The following TNR variants were observed in gnomAD, a reference collection of about 807,000 sequenced individuals.
TNR encodes tenascin R, also known as tenascin-R.
In TNR, 45 loss-of-function variants were observed where a neutral mutation model predicts 150.4. That is an observed-to-expected ratio of 0.30 (90% CI 0.24 to 0.38). The LOEUF is 0.38. TNR is among the 10% of genes least tolerant of loss of function. The pLI is 1.00. For missense variants in TNR, 1,544 were observed against 1,759.1 expected, an observed-to-expected ratio of 0.88 and a Z score of 2.19; for synonymous variants, 687 against 678.4, an observed-to-expected ratio of 1.01 and a Z score of -0.20.
At chr1:175,546,053 C>A (rs965356177) in intron 1 of TNR, among the ~76,000 whole-genome samples, 2 of 152,186 alleles carry the variant, frequency 1.3e-5, no homozygotes, top group Non-Finnish European at 2.9e-5. Context: ...TGTTCACAGC[C>A]TCCCCTCAGC....
At chr1:175,439,277 G>C (rs916606558) in intron 2 of TNR, among the ~76,000 whole-genome samples, 3 of 152,090 alleles carry the variant, frequency 2.0e-5, no homozygotes, top group Non-Finnish European at 2.9e-5. Context: ...AATGGGGAAA[G>C]GATTCCCTAT....
At chr1:175,500,377 G>T (rs1296798611) in intron 2 of TNR, among the ~76,000 whole-genome samples, 1 of 152,118 alleles carries the variant, frequency 6.6e-6, no homozygotes, top group Admixed American at 6.5e-5. Flanking sequence ...AGTGGATTTG[G>T]GGCCTGGGAG....
At chr1:175,577,594 C>T (rs911213406) in intron 1 of TNR, among the ~76,000 whole-genome samples, 1 of 152,006 alleles carries the variant, frequency 6.6e-6, no homozygotes, top group Admixed American at 6.6e-5. Flanking sequence ...GCTGGGGGTG[C>T]GGGTTTGGGA....
At chr1:175,667,560 G>T (rs4652101) in intron 1 of TNR, among the ~76,000 whole-genome samples, 22,330 of 152,154 alleles carry the variant, frequency 0.15, 2,216 homozygotes, top group African/African-American at 0.28. Context: ...GTCTGATTGG[G>T]GAGGCATACA....
At chr1:175,575,550 T>C (rs776791912) in intron 1 of TNR, among the ~76,000 whole-genome samples, 46 of 152,090 alleles carry the variant, frequency 3.0e-4, no homozygotes, top group Non-Finnish European at 5.7e-4. Flanking sequence ...AATAAATGTA[T>C]TGGTTGCTAA....
At chr1:175,441,035 T>C (rs1305934070) in intron 2 of TNR, among the ~76,000 whole-genome samples, 1 of 152,160 alleles carries the variant, frequency 6.6e-6, no homozygotes, top group East Asian at 1.9e-4. Flanking sequence ...TCTCTTTTGA[T>C]TGCTTCCTTT....
At chr1:175,368,481 G>A (rs1651938802) in intron 9 of TNR, among the ~76,000 whole-genome samples, 1 of 152,180 alleles carries the variant, frequency 6.6e-6, no homozygotes, top group African/African-American at 2.4e-5. Context: ...GTCCCACCTG[G>A]ATAGTACAGG....
chr1:175,647,668 T>A (rs1240037209), intron 1 of TNR, among the ~76,000 whole-genome samples: 1 of 152,148 alleles, frequency 6.6e-6, no homozygotes, highest in East Asian at 1.9e-4. Context: ...CCCACTGTGC[T>A]TTGGAAAGCC....
At chr1:175,446,706 A>T (rs1410507897) in intron 2 of TNR, among the ~76,000 whole-genome samples, 1 of 152,180 alleles carries the variant, frequency 6.6e-6, no homozygotes, top group Non-Finnish European at 1.5e-5. Context: ...AAACAAAAAA[A>T]ATCTCGTTCT....
chr1:175,406,074 T>G, intron 3 of TNR, 142 bp downstream of exon 3: 1 of 1,143,976 alleles, frequency 8.7e-7, no homozygotes, highest in Non-Finnish European at 1.2e-6. Flanking sequence ...ACTTTTTTCC[T>G]TTGACCGTGT....
intron 2 of TNR, among the ~76,000 whole-genome samples, chr1:175,458,079 A>G (rs568324108): frequency 1.3e-5 from 2 of 152,346 alleles, no homozygotes; most frequent in South Asian, 4.1e-4. Context: ...AAAATTAATG[A>G]AGATAATGTG....
chr1:175,508,731 C>T (rs1461294910), intron 2 of TNR, among the ~76,000 whole-genome samples: 1 of 152,222 alleles, frequency 6.6e-6, no homozygotes, highest in African/African-American at 2.4e-5. Flanking sequence ...ATTGTAACCT[C>T]ACAAGAGACC....
chr1:175,330,444 T>C, intron 20 of TNR: 1 of 445,468 alleles, frequency 2.2e-6, no homozygotes, highest in Non-Finnish European at 3.8e-6. Flanking sequence ...GGTCTGCTGA[T>C]GGGTTTCCAA....
chr1:175,385,934 T>C, intron 8 of TNR, 98 bp downstream of exon 8: 2 of 1,382,452 alleles, frequency 1.4e-6, no homozygotes, highest in Non-Finnish European at 2.0e-6. Flanking sequence ...CTGACACACC[T>C]TGCCTCATTC....
intron 3 of TNR, 83 bp downstream of exon 3, chr1:175,406,133 T>C (rs561400290): frequency 2.4e-4 from 368 of 1,518,264 alleles, no homozygotes; most frequent in Middle Eastern, 1.9e-3. Context: ...TGGAAGTGCA[T>C]TGGTCCTTCT....
At chr1:175,449,856 C>G (rs899441956) in intron 2 of TNR, among the ~76,000 whole-genome samples, 1 of 152,184 alleles carries the variant, frequency 6.6e-6, no homozygotes, top group Non-Finnish European at 1.5e-5. Flanking sequence ...CTCCCCAAGC[C>G]TTCCTTCTTT....
intron 1 of TNR, among the ~76,000 whole-genome samples, chr1:175,595,996 C>T (rs1056860931): frequency 1.3e-5 from 2 of 152,084 alleles, no homozygotes; most frequent in Non-Finnish European, 2.9e-5. Context: ...TATCAGAATC[C>T]TATGGTTCTT....
intron 2 of TNR, among the ~76,000 whole-genome samples, chr1:175,441,570 A>G (rs1185517782): frequency 1.3e-5 from 2 of 152,186 alleles, no homozygotes; most frequent in Non-Finnish European, 2.9e-5. Context: ...TCTGCCAGCT[A>G]TAAAAATACA....
intron 1 of TNR, among the ~76,000 whole-genome samples, chr1:175,539,860 C>T (rs993045884): frequency 5.9e-5 from 9 of 152,094 alleles, no homozygotes; most frequent in African/African-American, 2.2e-4. Context: ...ATAAGTAGCT[C>T]ACACTATAGC....
Sources: gnomAD v4.1 joint callset for allele counts (sites outside exome capture counted in the v4.1 genomes callset) on GRCh38, gnomAD v4.1.1 for gene constraint, MANE v1.5 for transcripts, NCBI Gene and HGNC (gene_info 2026-07-23, HGNC 2026-07-21) for gene names.